Variants in RCAN2 observed in about 807,000 individuals in gnomAD.
RCAN2 encodes the protein calcipressin-2.
Under a neutral mutation model 23.6 loss-of-function variants are expected in RCAN2, and 9 were observed. That is an observed-to-expected ratio of 0.38 (90% CI 0.23 to 0.67). The LOEUF is 0.67. Ranked by LOEUF, RCAN2 falls within the 30% of genes least tolerant of loss-of-function variation. The probability of loss-of-function intolerance (pLI) is 0.51; values close to 1 mark genes in which losing one functional copy is unlikely to be tolerated. For missense variants in RCAN2, 273 were observed against 302.3 expected (o/e 0.90, Z 0.72); for synonymous variants, 109 against 115.7 (o/e 0.94, Z 0.37).
intron 2 of RCAN2, among the ~76,000 whole-genome samples, chr6:46,278,769 C>G (rs1267240829): frequency 6.6e-6 from 1 of 152,120 alleles, no homozygotes; most frequent in Non-Finnish European, 1.5e-5. Context: ...GATTTGTTTG[C>G]TGTTTCCTCA....
In RCAN2 at chr6:46,339,446, TAA is replaced by T. The variant is rs1764236754; in HGVS notation, c.226-90552_226-90551del. Among the ~76,000 whole-genome samples the T allele has an allele frequency of 2.6e-5, 4 of 151,958 alleles. No homozygotes were observed. The South Asian group carries it at 8.3e-4, about 32-fold the overall frequency. On this transcript the variant is annotated intron_variant, in intron 2 of 4. Coordinates refer to ENST00000371374, the MANE Select transcript of RCAN2 (RefSeq NM_001251974.2). ...CCAAGCAGAGAGTGACTTTTATATA[TAA>T]ACGGGGGCATAGAATGAGGTGTCAA... is the stretch of plus-strand genomic sequence containing the variant.
At chr6:46,233,500 T>A (rs1468255590) in intron 4 of RCAN2, among the ~76,000 whole-genome samples, 1 of 152,144 alleles carries the variant, frequency 6.6e-6, no homozygotes, top group Non-Finnish European at 1.5e-5. Flanking sequence ...TCTGTCATCC[T>A]CAAATGAGGA....
At chr6:46,279,584 C>T (rs1057202595) in intron 2 of RCAN2, among the ~76,000 whole-genome samples, 9 of 152,202 alleles carry the variant, frequency 5.9e-5, no homozygotes, top group African/African-American at 2.2e-4. Context: ...CTGCTCTGTA[C>T]ATTCCTGCCT....
intron 2 of RCAN2, among the ~76,000 whole-genome samples, chr6:46,311,271 A>G (rs191354651): frequency 1.0e-3 from 159 of 152,276 alleles, no homozygotes; most frequent in African/African-American, 3.7e-3. Flanking sequence ...TCTACAGCCC[A>G]TGGCTGTATC....
chr6:46,381,777 C>T (rs1460291321), intron 2 of RCAN2, among the ~76,000 whole-genome samples: 2 of 152,158 alleles, frequency 1.3e-5, no homozygotes, highest in African/African-American at 2.4e-5. Context: ...GAGGTGACAG[C>T]ATAGAGCTGT....
intron 2 of RCAN2, among the ~76,000 whole-genome samples, chr6:46,356,239 C>G (rs376712575): frequency 1.3e-5 from 2 of 152,176 alleles, no homozygotes; most frequent in South Asian, 2.1e-4. Context: ...GCTGAACTGA[C>G]ACATATCAAA....
intron 2 of RCAN2, among the ~76,000 whole-genome samples, chr6:46,332,868 C>T (rs1764025325): frequency 6.6e-6 from 1 of 152,118 alleles, no homozygotes. Flanking sequence ...GTTCTAGATC[C>T]CTGAGGAATT....
intron 2 of RCAN2, among the ~76,000 whole-genome samples, chr6:46,326,071 C>A (rs1291344501): frequency 2.6e-5 from 4 of 152,146 alleles, no homozygotes; most frequent in Admixed American, 6.5e-5. Flanking sequence ...CTCAGAGCAG[C>A]CACACATGTT....
chr6:46,316,660 G>A (rs1183326697), intron 2 of RCAN2, among the ~76,000 whole-genome samples: 2 of 152,216 alleles, frequency 1.3e-5, no homozygotes, highest in Non-Finnish European at 2.9e-5. Context: ...GGCATTCAAT[G>A]TATATTTGCT....
chr6:46,296,211 T>C (rs1762726261), intron 2 of RCAN2, among the ~76,000 whole-genome samples: 1 of 152,048 alleles, frequency 6.6e-6, no homozygotes, highest in African/African-American at 2.4e-5. Flanking sequence ...TCTCACTGCA[T>C]GTTAGATGAC....
At chr6:46,279,261 T>A in intron 2 of RCAN2, among the ~76,000 whole-genome samples, 1 of 152,208 alleles carries the variant, frequency 6.6e-6, no homozygotes. Context: ...CAATTCCTCA[T>A]AACCTGATGG....
intron 2 of RCAN2, among the ~76,000 whole-genome samples, chr6:46,294,645 A>G (rs1762662349): frequency 6.6e-6 from 1 of 152,144 alleles, no homozygotes; most frequent in Non-Finnish European, 1.5e-5. Context: ...GATATGGGAT[A>G]ATGCCTTATG....
chr6:46,472,392 C>T (rs374357897), intron 1 of RCAN2, among the ~76,000 whole-genome samples: 197 of 152,236 alleles, frequency 1.3e-3, no homozygotes, highest in African/African-American at 4.6e-3. Context: ...TGTAACATAT[C>T]GCTATATTTA....
chr6:46,410,865 T>C (rs1766532533), intron 2 of RCAN2, among the ~76,000 whole-genome samples: 1 of 152,204 alleles, frequency 6.6e-6, no homozygotes, highest in Non-Finnish European at 1.5e-5. Flanking sequence ...TTTATATCCA[T>C]GATTATGGTT....
intron 2 of RCAN2, among the ~76,000 whole-genome samples, chr6:46,425,116 C>T (rs948261415): frequency 6.6e-6 from 1 of 152,200 alleles, no homozygotes; most frequent in Non-Finnish European, 1.5e-5. Flanking sequence ...TGTCATCCAC[C>T]AGGAGCGATC....
chr6:46,260,396 AC>A (rs1460948006), intron 2 of RCAN2, among the ~76,000 whole-genome samples: 1 of 152,164 alleles, frequency 6.6e-6, no homozygotes, highest in Non-Finnish European at 1.5e-5. Flanking sequence ...AAGTCAACGC[AC>A]CCTATTATAG....
In RCAN2 at chr6:46,223,235, C is replaced by T; in HGVS notation, c.638G>A (p.Ser213Asn). ...TGGGTCCTCTTCTTCCTCTATGTCACTGTCGCACACGTGCACGACGACACT... is the reference window on the plus strand; with the variant it reads ...TGGGTCCTCTTCTTCCTCTATGTCATTGTCGCACACGTGCACGACGACACT... ...TPSVVVHVCD[S>N]DIEEEEDPKT... Residue 213 changes from serine to asparagine, a missense_variant, in exon 5 of 5, where the codon AGT (serine) becomes AAT (asparagine). Ser to Asn is a conservative substitution (Grantham distance 46, BLOSUM62 1). Transcript: ENST00000371374. 1.2e-6 allele frequency: 2 copies of T among 1,614,036 alleles called. No individual in the cohort carries two copies. Among genetic ancestry groups the T allele is most frequent in the South Asian group, 1.1e-5 (1 of 91,060 alleles).
chr6:46,427,547 G>A (rs1181673149), intron 2 of RCAN2, among the ~76,000 whole-genome samples: 1 of 152,148 alleles, frequency 6.6e-6, no homozygotes, highest in African/African-American at 2.4e-5. Flanking sequence ...TGTTTCTCAA[G>A]GGCTTGGGGC....
chr6:46,223,840 G>A (rs980899229), intron 4 of RCAN2, among the ~76,000 whole-genome samples: 2 of 152,160 alleles, frequency 1.3e-5, no homozygotes, highest in African/African-American at 4.8e-5. Context: ...TGACCATCAA[G>A]GCCCTTTCTA....
Sources: allele counts gnomAD v4.1 joint callset (sites outside exome capture counted in the v4.1 genomes callset), GRCh38; gene constraint gnomAD v4.1.1; transcripts MANE v1.5; gene names NCBI Gene and HGNC (gene_info 2026-07-23, HGNC 2026-07-21).